ANXA4: variants seen among roughly 807,000 people sequenced by gnomAD.
ANXA4 encodes 35-beta calcimedin.
A neutral mutation model predicts 49.8 loss-of-function variants in ANXA4; 39 were observed. That is an observed-to-expected ratio of 0.78 (90% CI 0.61 to 1.02). ANXA4 has a LOEUF of 1.02. Among genes scored for constraint, ANXA4 ranks in the 50% least tolerant of loss-of-function variants. ANXA4 has a pLI of 0.00. For synonymous variants in ANXA4, 134 were observed against 152.5 expected (o/e 0.88, Z 0.89); for missense variants, 360 against 410.1 (o/e 0.88, Z 1.05).
intron 1 of ANXA4, among the ~76,000 whole-genome samples, chr2:69,766,614 T>G (rs1347604316): frequency 6.6e-6 from 1 of 152,190 alleles, no homozygotes; most frequent in African/African-American, 2.4e-5. Context: ...GATGTGAAAT[T>G]AGCAACTAGG....
chr2:69,708,111 C>T (rs866359346), intron 2 of ANXA4, among the ~76,000 whole-genome samples: 35 of 152,262 alleles, frequency 2.3e-4, no homozygotes, highest in Middle Eastern at 6.8e-3. Context: ...TAAGCACAAA[C>T]GGGAGACATG....
At chr2:69,724,672 A>G (rs1231840585) in intron 3 of ANXA4, among the ~76,000 whole-genome samples, 2 of 124,210 alleles carry the variant, frequency 1.6e-5, no homozygotes, top group Non-Finnish European at 1.7e-5. Flanking sequence ...ACCTTCTGCC[A>G]AGAGACCTTA....
At chr2:69,682,321 T>C (rs115282295) in intron 2 of ANXA4, among the ~76,000 whole-genome samples, 1 of 152,282 alleles carries the variant, frequency 6.6e-6, no homozygotes, top group African/African-American at 2.4e-5. Flanking sequence ...TTTCAATAAA[T>C]TTTTTTTAAA....
chr2:69,755,498 C>A (rs1671008315), intron 1 of ANXA4, among the ~76,000 whole-genome samples: 1 of 152,168 alleles, frequency 6.6e-6, no homozygotes, highest in Non-Finnish European at 1.5e-5. Context: ...GTAGTCCCAG[C>A]TACTTGGGAG....
intron 3 of ANXA4, among the ~76,000 whole-genome samples, chr2:69,802,565 G>T (rs1445713795): frequency 6.6e-6 from 1 of 152,124 alleles, no homozygotes; most frequent in African/African-American, 2.4e-5. Flanking sequence ...ACAAAAATTA[G>T]CTGGGCGTGG....
At chr2:69,664,226 T>C (rs1183300939) in intron 2 of ANXA4, among the ~76,000 whole-genome samples, 1 of 152,038 alleles carries the variant, frequency 6.6e-6, no homozygotes, top group Admixed American at 6.5e-5. Flanking sequence ...GGTAAATGTA[T>C]TTCAGACACG....
chr2:69,749,790 T>C (rs1422359289), intron 1 of ANXA4, among the ~76,000 whole-genome samples: 1 of 150,612 alleles, frequency 6.6e-6, no homozygotes, highest in Non-Finnish European at 1.5e-5. Context: ...CTAGGTGTGG[T>C]AGTGCACGCA....
intron 2 of ANXA4, among the ~76,000 whole-genome samples, chr2:69,687,830 T>A (rs2105367853): frequency 6.6e-6 from 1 of 152,338 alleles, no homozygotes; most frequent in African/African-American, 2.4e-5. Context: ...TTACATCATC[T>A]ATCCTCCCAT....
chr2:69,693,782 T>C (rs1002933796), intron 2 of ANXA4, among the ~76,000 whole-genome samples: 4 of 152,116 alleles, frequency 2.6e-5, no homozygotes, highest in Non-Finnish European at 5.9e-5. Context: ...TGGGGAACAA[T>C]ATTTGCAGGG....
In ANXA4 at chr2:69,822,231, C is replaced by T. The variant is rs562872459; in HGVS notation, c.906+1410C>T. Among the ~76,000 whole-genome samples the T allele has an allele frequency of 8.3e-4, 126 of 152,106 alleles. 1 individual carries two copies. The highest frequency in any genetic ancestry group is 1.6e-3 in the Non-Finnish European group (110 of 67,998). Reference sequence around the variant, plus strand: ...CAAAAATTAGCCGGGTGTGGTGGTGCACGCCTGTAGTCCCAGCTACTCAGG... The same window carrying T: ...CAAAAATTAGCCGGGTGTGGTGGTGTACGCCTGTAGTCCCAGCTACTCAGG... On this transcript the variant is annotated intron_variant, in intron 12 of 12. Transcript: ENST00000394295.
At chr2:69,731,732 T>A (rs6739060) in intron 3 of ANXA4, among the ~76,000 whole-genome samples, 35,196 of 152,060 alleles carry the variant, frequency 0.23, 4,385 homozygotes, top group South Asian at 0.31. Context: ...GTAGGACACT[T>A]CCTTGGAAGC....
At chr2:69,777,133 G>C (rs114377133) in intron 1 of ANXA4, among the ~76,000 whole-genome samples, 1 of 152,084 alleles carries the variant, frequency 6.6e-6, no homozygotes, top group South Asian at 2.1e-4. Flanking sequence ...CAGCTTCCAC[G>C]GCCTCTCCAG....
intron 2 of ANXA4, among the ~76,000 whole-genome samples, chr2:69,719,179 T>G (rs1174103685): frequency 6.6e-6 from 1 of 151,852 alleles, no homozygotes; most frequent in African/African-American, 2.4e-5. Context: ...GGTTTCACTA[T>G]GTTGGCCAAG....
chr2:69,651,817 T>TGGGG (rs1218915002), intron 1 of ANXA4, among the ~76,000 whole-genome samples: 3 of 12,602 alleles, frequency 2.4e-4, no homozygotes, highest in African/African-American at 2.9e-4. Context: ...TTTTTTTTTT[T>TGGGG]GGGGGGGGGG....
chr2:69,752,461 C>G (rs1428809865), intron 1 of ANXA4, among the ~76,000 whole-genome samples: 1 of 152,212 alleles, frequency 6.6e-6, no homozygotes, highest in Non-Finnish European at 1.5e-5. Context: ...AGAAACATGA[C>G]TCCTTGCTTC....
chr2:69,777,560 G>C (rs1054912903), intron 1 of ANXA4, among the ~76,000 whole-genome samples: 4 of 152,212 alleles, frequency 2.6e-5, no homozygotes, highest in African/African-American at 9.7e-5. Flanking sequence ...AACAGGAGGA[G>C]AACAGGTGTA....
chr2:69,689,160 T>C (rs1297216116), intron 2 of ANXA4, among the ~76,000 whole-genome samples: 1 of 152,134 alleles, frequency 6.6e-6, no homozygotes, highest in African/African-American at 2.4e-5. Context: ...GGCATGATCA[T>C]AGTCCACCGC....
chr2:69,725,866 T>A (rs1669950557), intron 3 of ANXA4, among the ~76,000 whole-genome samples: 1 of 152,258 alleles, frequency 6.6e-6, no homozygotes. Context: ...TAGTTTTTCT[T>A]TCACATATAT....
At chr2:69,780,008 C>T (rs902016636) in intron 1 of ANXA4, among the ~76,000 whole-genome samples, 1 of 152,170 alleles carries the variant, frequency 6.6e-6, no homozygotes, top group African/African-American at 2.4e-5. Flanking sequence ...CAAATGTGAT[C>T]AAACAAGGCC....
Sources: allele counts gnomAD v4.1 joint callset (sites outside exome capture counted in the v4.1 genomes callset), GRCh38; gene constraint gnomAD v4.1.1; transcripts MANE v1.5; gene names NCBI Gene and HGNC (gene_info 2026-07-23, HGNC 2026-07-21).